TTC6: variants seen among roughly 807,000 people sequenced by gnomAD.
The protein encoded by TTC6 is tetratricopeptide repeat domain 6, also known as tetratricopeptide repeat protein 6.
A neutral mutation model predicts 210.4 loss-of-function variants in TTC6; 172 were observed. That is an observed-to-expected ratio of 0.82 (90% confidence interval 0.72 to 0.93). The LOEUF (loss-of-function observed/expected upper bound fraction) is 0.93, where lower values mean the gene tolerates loss of function less well. Among genes scored for constraint, TTC6 ranks in the 40% least tolerant of loss-of-function variants. TTC6 has a pLI of 0.00. For missense variants in TTC6, 2,414 were observed against 2,318.1 expected, an observed-to-expected ratio of 1.04 and a Z score of -0.85; for synonymous variants, 804 against 819.6, an observed-to-expected ratio of 0.98 and a Z score of 0.32.
chr14:37,808,460 C>A (rs1343564555), intron 23 of TTC6, among the ~76,000 whole-genome samples: 5 of 152,026 alleles, frequency 3.3e-5, no homozygotes, highest in African/African-American at 1.2e-4. Context: ...TGCCATATAC[C>A]AACATTGGTA....
At chr14:37,751,272 C>A (rs776551525) in intron 13 of TTC6, 47 bp downstream of exon 15, 2 of 1,354,522 alleles carry the variant, frequency 1.5e-6, no homozygotes, top group African/African-American at 1.5e-5. Flanking sequence ...GTTTAGATTG[C>A]GATATCCTCA....
chr14:37,691,565 T>C (rs1434722175), intron 3 of TTC6, among the ~76,000 whole-genome samples: 2 of 152,162 alleles, frequency 1.3e-5, no homozygotes, highest in East Asian at 1.9e-4. Flanking sequence ...GGGAAGTTCA[T>C]AGCTGTAAGT....
chr14:37,716,837 C>A (rs1195423783), intron 6 of TTC6, among the ~76,000 whole-genome samples: 1 of 151,956 alleles, frequency 6.6e-6, no homozygotes, highest in Non-Finnish European at 1.5e-5. Context: ...GAACACTGTA[C>A]CCAACAAAAG....
At chr14:37,769,239 T>C (rs1199012817) in intron 14 of TTC6, among the ~76,000 whole-genome samples, 3 of 151,944 alleles carry the variant, frequency 2.0e-5, no homozygotes. Flanking sequence ...TCAATGTTCA[T>C]CAAGGATATT....
At chr14:37,842,265 C>G in exon 31 of TTC6, 1 of 1,605,476 alleles carries the variant, frequency 6.2e-7, no homozygotes, top group Non-Finnish European at 8.5e-7. Context: ...AGCACTTGAT[C>G]TTGAAGACTA....
chr14:37,720,616 T>C (rs955665728), intron 6 of TTC6: 2 of 148,386 alleles, frequency 1.3e-5, no homozygotes, highest in Non-Finnish European at 3.0e-5. Flanking sequence ...CTTCAGTGGG[T>C]TAAGAAAACT....
rs191960172 is a variant in TTC6, at chr14:37,675,223, C to T, written c.940-4928C>T. Among the ~76,000 whole-genome samples, 34 of 152,170 alleles carry T rather than the reference C, an allele frequency of 2.2e-4. No individual in the cohort carries two copies. The East Asian group carries it at 5.6e-3, about 25-fold the overall frequency. On this transcript the variant is annotated intron_variant, in intron 1 of 30. Coordinates refer to ENST00000553443, the Ensembl canonical transcript of TTC6. Reference sequence around the variant, plus strand: ...ACACTATACATGTTAAACAGTCATTCGCCATTCCCTATACCCCACAGGCCC... The same window carrying T: ...ACACTATACATGTTAAACAGTCATTTGCCATTCCCTATACCCCACAGGCCC...
intron 21 of TTC6, among the ~76,000 whole-genome samples, chr14:37,805,929 T>C (rs1481566546): frequency 6.6e-6 from 1 of 152,118 alleles, no homozygotes; most frequent in Admixed American, 6.5e-5. Flanking sequence ...CTTCATCTTT[T>C]CACCTCATGA....
intron 8 of TTC6, 125 bp downstream of exon 10, chr14:37,736,135 C>A: frequency 1.7e-6 from 1 of 587,814 alleles, no homozygotes; most frequent in Non-Finnish European, 2.9e-6. Context: ...TCTGTAATCC[C>A]GGCATTTTGG....
Position 37,638,846 on chromosome 14 carries a change from G to A in TTC6, c.939+15843G>A, listed in dbSNP as rs551760902. Among the ~76,000 whole-genome samples, 3 of 152,206 alleles carry A rather than the reference G, an allele frequency of 2.0e-5. No individual in the cohort carries two copies. The South Asian group carries it at 6.2e-4, about 32-fold the overall frequency. Reference sequence around the variant, plus strand: ...AAAACTTTAATTAAAGATGTTAGGAGATTCTTTATAAAAGTGTGTGCCTGT... The same window carrying A: ...AAAACTTTAATTAAAGATGTTAGGAAATTCTTTATAAAAGTGTGTGCCTGT... On this transcript the variant is annotated intron_variant, in intron 1 of 30. Coordinates refer to ENST00000553443, the Ensembl canonical transcript of TTC6.
rs1203154198 is a variant in TTC6, at chr14:37,759,981, A to G, written c.3266+6746A>G. Among the ~76,000 whole-genome samples, 4 of 152,282 alleles carry G rather than the reference A, an allele frequency of 2.6e-5. 1 individual carries two copies. The highest frequency in any genetic ancestry group is 9.6e-5 in the African/African-American group (4 of 41,556). On this transcript the variant is annotated intron_variant, in intron 14 of 30. Coordinates refer to ENST00000553443, the Ensembl canonical transcript of TTC6. ...AGCTCAGAGGAGCTTGTTATTACCC[A>G]CCTTCCGAAGCCAACTTCTGTCAAT...
intron 1 of TTC6, among the ~76,000 whole-genome samples, chr14:37,674,583 G>T (rs2138504374): frequency 6.6e-6 from 1 of 152,192 alleles, no homozygotes; most frequent in Middle Eastern, 3.4e-3. Flanking sequence ...GCTTGAGAAT[G>T]TCCTAAAGTG....
chr14:37,837,788 C>G (rs187366524), intron 29 of TTC6, among the ~76,000 whole-genome samples: 4 of 152,284 alleles, frequency 2.6e-5, no homozygotes. Flanking sequence ...AGCAATCTGA[C>G]TCTATGGTCT....
chr14:37,598,798 G>C lies in TTC6; in HGVS notation c.-235+2790G>C, dbSNP rs35358691. The stretch of plus-strand genomic sequence containing the variant: ...CGGTGCCCATTCGAGTCTCTCCAGG[G>C]CTTCCCTCTGTGGCTGTCCCTCGCC... On this transcript the variant is annotated intron_variant, in intron 1 of 2. Coordinates refer to the TTC6 transcript ENST00000556845. The surrounding 1 kb of genome is among the most constrained non-coding windows in gnomAD (Gnocchi z 4.9). Among the ~76,000 whole-genome samples the C allele has an allele frequency of 0.038, 5,859 of 152,276 alleles. 380 individuals carry two copies. The highest frequency in any genetic ancestry group is 0.13 in the African/African-American group (5,552 of 41,542).
At chr14:37,694,401 T>A (rs2095810445) in intron 3 of TTC6, among the ~76,000 whole-genome samples, 1 of 152,094 alleles carries the variant, frequency 6.6e-6, no homozygotes, top group Non-Finnish European at 1.5e-5. Flanking sequence ...TTAAAATGGC[T>A]TATATCCAAA....
intron 14 of TTC6, among the ~76,000 whole-genome samples, chr14:37,757,495 G>A (rs1183932603): frequency 1.3e-5 from 2 of 151,930 alleles, no homozygotes; most frequent in Middle Eastern, 3.4e-3. Context: ...GGATGATCTC[G>A]ATCTCCTGAC....
chr14:37,741,190 G>A lies in TTC6; in HGVS notation c.2363+2035G>A, dbSNP rs116973673. 2.5e-3 allele frequency among the ~76,000 whole-genome samples: 371 copies of A among 148,750 alleles called. 12 individuals carry two copies. The East Asian group carries it at 0.06, about 24-fold the overall frequency. On this transcript the variant is annotated intron_variant, in intron 10 of 30. Coordinates refer to ENST00000553443, the Ensembl canonical transcript of TTC6. ...TCAAACTAATTCACCACATATGAATGTAGATATGAATTGTTCAAAACTAAC... is the reference window on the plus strand; with the variant it reads ...TCAAACTAATTCACCACATATGAATATAGATATGAATTGTTCAAAACTAAC...
intron 2 of TTC6, among the ~76,000 whole-genome samples, chr14:37,607,491 A>C (rs1385953055): frequency 6.6e-6 from 1 of 152,232 alleles, no homozygotes; most frequent in Non-Finnish European, 1.5e-5. Context: ...AATTGAAGAC[A>C]AGATTCTGCC....
At position 37,722,959 on chromosome 14, in the gene TTC6, AT is replaced by A. The variant is rs1322847055; in HGVS notation, c.1714-1937del. Among the ~76,000 whole-genome samples, 5 of 152,178 alleles carry A rather than the reference AT, an allele frequency of 3.3e-5. No individual in the cohort carries two copies. In the East Asian group the frequency reaches 9.7e-4, roughly 29 times the overall value. ...ACTCTTCTATATAGGAAGTGTGTCTATTCTTCTCATTCATTTATTTACTCAG... is the reference window on the plus strand; with the variant it reads ...ACTCTTCTATATAGGAAGTGTGTCTATCTTCTCATTCATTTATTTACTCAG... On this transcript the variant is annotated intron_variant, in intron 6 of 30. Coordinates refer to ENST00000553443, the Ensembl canonical transcript of TTC6.
Sources: gnomAD v4.1 joint callset for allele counts (sites outside exome capture counted in the v4.1 genomes callset) on GRCh38, gnomAD v4.1.1 for gene constraint, Gnocchi (gnomAD v3.1) non-coding constraint, MANE v1.5 for transcripts, NCBI Gene and HGNC (gene_info 2026-07-23, HGNC 2026-07-21) for gene names.